Variants in RREB1 observed in about 807,000 individuals in gnomAD.
RREB1 encodes the protein ras responsive element binding protein 1.
RREB1 carries 27 observed loss-of-function variants against 117.8 expected under a neutral mutation model. That is an observed-to-expected ratio of 0.23 (90% confidence interval 0.17 to 0.32). The LOEUF is 0.32. RREB1 is among the 10% of genes least tolerant of loss of function. The pLI, the probability that RREB1 is intolerant of heterozygous loss-of-function variation, is 1.00. For synonymous variants in RREB1, 1,298 were observed against 1,026.7 expected (o/e 1.26, Z -5.05); for missense variants, 2,577 against 2,378.2 (o/e 1.08, Z -1.74).
intron 1 of RREB1, among the ~76,000 whole-genome samples, chr6:7,138,784 A>G (rs935029607): frequency 2.6e-5 from 4 of 152,242 alleles, no homozygotes; most frequent in African/African-American, 9.6e-5. Context: ...GAGCAATTAG[A>G]TGACACTTTT....
chr6:7,231,288 C>T lies in RREB1; in HGVS notation c.3189C>T (p.Pro1063=), dbSNP rs148116530. 5,739 of 1,609,044 alleles carry T rather than the reference C, an allele frequency of 3.6e-3. 47 individuals carry two copies. Among genetic ancestry groups the T allele is most frequent in the Middle Eastern group, 0.024 (143 of 6,034 alleles). ...AGCCCCCCGTGACAGAAGAGCTGCC[C>T]CCGCTGGCCTCCATTGCCCAGATCA... is the stretch of plus-strand genomic sequence containing the variant. The part of the protein sequence containing the change: ...LPKPPVTEEL[P]PLASIAQIIS... Residue 1063 remains proline (P), a synonymous_variant, in exon 10 of 13, where the codon CCC becomes CCT. Coordinates refer to ENST00000379938, the MANE Select transcript of RREB1 (RefSeq NM_001003699.4).
At chr6:7,227,324 T>C (rs1013428396) in intron 9 of RREB1, among the ~76,000 whole-genome samples, 1 of 151,728 alleles carries the variant, frequency 6.6e-6, no homozygotes, top group Non-Finnish European at 1.5e-5. Context: ...AGTCGGATCA[T>C]GAGGTCAGGA....
chr6:7,172,031 G>A (rs1366012777), intron 1 of RREB1, among the ~76,000 whole-genome samples: 2 of 151,190 alleles, frequency 1.3e-5, no homozygotes, highest in Non-Finnish European at 2.9e-5. Flanking sequence ...GTGCAGCTTC[G>A]CACTCCTGGG....
At chr6:7,211,044 A>AT in intron 7 of RREB1, 96 bp downstream of exon 7, 1 of 1,235,764 alleles carries the variant, frequency 8.1e-7, no homozygotes, top group Non-Finnish European at 1.1e-6. Flanking sequence ...CTTGGCAGAC[A>AT]TACATCCTAA....
chr6:7,128,247 C>G (rs185561483), intron 1 of RREB1, among the ~76,000 whole-genome samples: 2 of 152,180 alleles, frequency 1.3e-5, no homozygotes, highest in Admixed American at 1.3e-4. Context: ...TATGATTTTC[C>G]GAATTGTTGG....
intron 11 of RREB1, among the ~76,000 whole-genome samples, chr6:7,245,944 C>T (rs1299639276): frequency 2.0e-5 from 3 of 152,336 alleles, no homozygotes; most frequent in South Asian, 2.1e-4. Flanking sequence ...TCCTGTGAAA[C>T]TCATCAAGAC....
In RREB1 at chr6:7,226,523, C is replaced by T. The variant is rs772258316; in HGVS notation, c.764C>T (p.Ala255Val). ...CATCGAGGACTGCTGCGTCACAACG[C>T]GCTTGTCCACAAACAACTTCCCAGG... is the stretch of plus-strand genomic sequence containing the variant. Reference protein sequence around the residue: ...RTHRGLLRHNALVHKQLPRDA... With the variant: ...RTHRGLLRHNVLVHKQLPRDA... Residue 255 changes from alanine (A) to valine (V), a missense_variant, in exon 9 of 13, where the codon GCG becomes GTG. Transcript: ENST00000379938. 13 of 1,614,024 alleles carry T rather than the reference C, an allele frequency of 8.1e-6. No individual in the cohort carries two copies. The highest frequency in any genetic ancestry group is 2.7e-5 in the African/African-American group (2 of 74,926).
chr6:7,165,962 C>T (rs1297666391), intron 1 of RREB1, among the ~76,000 whole-genome samples: 1 of 152,184 alleles, frequency 6.6e-6, no homozygotes, highest in Non-Finnish European at 1.5e-5. Flanking sequence ...ATGTTCAGTG[C>T]CCTGTGTGAG....
intron 1 of RREB1, among the ~76,000 whole-genome samples, chr6:7,108,408 G>A (rs1760941737): frequency 1.3e-5 from 2 of 151,730 alleles, no homozygotes; most frequent in East Asian, 1.9e-4. Flanking sequence ...GCGAGCCGCC[G>A]CAGCGCCCCG....
chr6:7,211,175 T>G (rs1389490016), intron 7 of RREB1, among the ~76,000 whole-genome samples: 1 of 152,248 alleles, frequency 6.6e-6, no homozygotes, highest in Non-Finnish European at 1.5e-5. Context: ...CTTTTACAAT[T>G]GTTTCCATGC....
intron 2 of RREB1, among the ~76,000 whole-genome samples, chr6:7,178,325 G>A (rs973773960): frequency 4.6e-5 from 7 of 152,158 alleles, no homozygotes; most frequent in African/African-American, 1.4e-4. Context: ...TTTATTCCCC[G>A]AGATTGAGTA....
chr6:7,141,896 C>G lies in RREB1; in HGVS notation c.-285+33836C>G, dbSNP rs563468109. ...AGGGCTGGATAATTGCCTCTCCTTT[C>G]TAAAAGGAGCCGTTTTCTGGGCCGG... is the stretch of plus-strand genomic sequence containing the variant. On this transcript the variant is annotated intron_variant, in intron 1 of 12. Coordinates refer to ENST00000379938, the MANE Select transcript of RREB1 (RefSeq NM_001003699.4). Among the ~76,000 whole-genome samples, 11 of 152,348 alleles carry G rather than the reference C, an allele frequency of 7.2e-5. No homozygotes were observed. The East Asian group carries it at 2.1e-3, about 29-fold the overall frequency.
At chr6:7,118,134 T>C (rs545736262) in intron 1 of RREB1, among the ~76,000 whole-genome samples, 16 of 152,328 alleles carry the variant, frequency 1.1e-4, no homozygotes, top group African/African-American at 3.8e-4. Context: ...TTTTGTTTTC[T>C]TTTTGAGACA....
chr6:7,228,773 G>C (rs1382989756), intron 9 of RREB1, among the ~76,000 whole-genome samples: 9 of 151,998 alleles, frequency 5.9e-5, no homozygotes, highest in Non-Finnish European at 1.2e-4. Flanking sequence ...CTCTGGAGTA[G>C]CTGGGACTAG....
At chr6:7,226,738 A>G (rs1476698750) in intron 9 of RREB1, 82 bp downstream of exon 9, 7 of 1,079,888 alleles carry the variant, frequency 6.5e-6, no homozygotes, top group East Asian at 5.0e-5. Flanking sequence ...TCCTCTCCTC[A>G]GGGTTTCTTT....
intron 1 of RREB1, among the ~76,000 whole-genome samples, chr6:7,161,083 G>T (rs936854456): frequency 2.6e-5 from 4 of 151,824 alleles, no homozygotes; most frequent in African/African-American, 9.7e-5. Context: ...CTCTCGCCTC[G>T]GCCTTGCAAA....
chr6:7,183,501 G>A (rs976469572), intron 4 of RREB1: 1 of 152,270 alleles, frequency 6.6e-6, no homozygotes, highest in African/African-American at 2.4e-5. Context: ...AACAAGTGAA[G>A]TGATAGGAAG....
chr6:7,126,469 G>A (rs552810509), intron 1 of RREB1, among the ~76,000 whole-genome samples: 5 of 150,266 alleles, frequency 3.3e-5, no homozygotes, highest in East Asian at 2.0e-4. Context: ...GGGTTTCATC[G>A]TATTGGTCAG....
chr6:7,242,700 A>AG (rs77140508), intron 11 of RREB1, among the ~76,000 whole-genome samples: 63,173 of 134,434 alleles, frequency 0.47, 14,614 homozygotes, highest in African/African-American at 0.54. Flanking sequence ...CTTAAAAAAA[A>AG]GGGGGGGGGG....
Sources: allele counts gnomAD v4.1 joint callset (sites outside exome capture counted in the v4.1 genomes callset), GRCh38; gene constraint gnomAD v4.1.1; transcripts MANE v1.5; gene names NCBI Gene and HGNC (gene_info 2026-07-23, HGNC 2026-07-21).